MED25: variants seen among roughly 807,000 people sequenced by gnomAD.
MED25 encodes the protein mediator complex subunit 25.
MED25 carries 62 observed loss-of-function variants against 89.4 expected under a neutral mutation model. The ratio of observed to expected loss-of-function variants is 0.69; its 90% confidence interval spans 0.57 to 0.86. MED25 has a LOEUF of 0.86. Among genes scored for constraint, MED25 ranks in the 40% least tolerant of loss-of-function variants. The pLI, the probability that MED25 is intolerant of heterozygous loss-of-function variation, is 0.00. For synonymous variants in MED25, 449 were observed against 427.9 expected (o/e 1.05, Z -0.61); for missense variants, 905 against 1,005.2 (o/e 0.90, Z 1.35).
At chr19:49,818,958 C>A (rs1002326293) in intron 2 of MED25, 18 of 580,408 alleles carry the variant, frequency 3.1e-5, no homozygotes, top group Middle Eastern at 1.0e-3. Flanking sequence ...GTGCTGGGGC[C>A]TGGGCTCCTG....
At chr19:49,827,186 C>T (rs925957359) in intron 3 of MED25, among the ~76,000 whole-genome samples, 3 of 152,208 alleles carry the variant, frequency 2.0e-5, no homozygotes, top group Non-Finnish European at 4.4e-5. Flanking sequence ...CAGCCTCTCA[C>T]GACCACGTGA....
At chr19:49,832,893 G>A (rs952260521) in intron 13 of MED25, 9 of 248,878 alleles carry the variant, frequency 3.6e-5, no homozygotes, top group South Asian at 9.6e-5. Flanking sequence ...AGGTGGCATC[G>A]CTCCAGGGTC....
intron 3 of MED25, among the ~76,000 whole-genome samples, chr19:49,822,315 T>C (rs937419723): frequency 1.3e-4 from 11 of 83,312 alleles, no homozygotes; most frequent in African/African-American, 6.3e-4. Flanking sequence ...TGTGGTGGCA[T>C]GTGCCTTGTA....
In MED25 at chr19:49,830,451, A is replaced by C; in HGVS notation, c.820-60A>C. ...CATGGGTGGTGTGACCTCGTGGGATACCAGGACTGGGGGGCCATGGTCCTC... is the reference window on the plus strand; with the variant it reads ...CATGGGTGGTGTGACCTCGTGGGATCCCAGGACTGGGGGGCCATGGTCCTC... On this transcript the variant is annotated intron_variant, in intron 7 of 17. Coordinates refer to ENST00000312865, the MANE Select transcript of MED25 (RefSeq NM_030973.4). The surrounding 1 kb of genome is among the most constrained non-coding windows in gnomAD (Gnocchi z 4.6). 6.4e-7 allele frequency: 1 copy of C among 1,553,520 alleles called. No individual in the cohort carries two copies. Among genetic ancestry groups the C allele is most frequent in the Non-Finnish European group, 8.9e-7 (1 of 1,126,886 alleles).
intron 3 of MED25, among the ~76,000 whole-genome samples, chr19:49,822,849 G>A (rs1409991121): frequency 2.0e-5 from 3 of 151,828 alleles, no homozygotes; most frequent in Non-Finnish European, 2.9e-5. Flanking sequence ...GGGTTTCACT[G>A]TGTTAGCCGG....
At position 49,832,165 on chromosome 19, in the gene MED25, G is replaced by T; in HGVS notation, c.1374+8G>T. The T allele has an allele frequency of 6.2e-7, 1 of 1,611,800 alleles. No homozygotes were observed. ...ATCCCCCAGCAGCTGCTGGTGAGTG[G>T]CGGTGGAGGGCCAGCCCTGCTGCCG... On this transcript the variant is annotated splice_region_variant and intron_variant, in intron 12 of 17. Coordinates refer to ENST00000312865, the MANE Select transcript of MED25 (RefSeq NM_030973.4).
chr19:49,838,339 T>C (rs934568608), downstream of MED25: 5 of 349,476 alleles, frequency 1.4e-5, no homozygotes, highest in Non-Finnish European at 2.8e-5. Context: ...TTGGCTTCTT[T>C]TGACAAGTCA....
At position 49,827,339 on chromosome 19, in the gene MED25, C is replaced by T. The variant is rs531818040; in HGVS notation, c.306-1110C>T. On this transcript the variant is annotated intron_variant, in intron 3 of 17. Transcript: ENST00000312865. ...TGTGTGTGTTAGTTTCCCAGGCTGC[C>T]GTAGCAAAGTATGAGAAACTGGCCA... Among the ~76,000 whole-genome samples the T allele has an allele frequency of 2.6e-5, 4 of 152,220 alleles. No individual in the cohort carries two copies. The South Asian group carries it at 8.3e-4, about 32-fold the overall frequency.
In MED25 at chr19:49,830,953, G is replaced by C; in HGVS notation, c.1101+66G>C. 1.3e-6 allele frequency: 2 copies of C among 1,514,838 alleles called. No individual in the cohort carries two copies. Among genetic ancestry groups the C allele is most frequent in the Non-Finnish European group, 1.8e-6 (2 of 1,105,484 alleles). 93.8% of individuals were successfully genotyped at this position (1,514,838 alleles called of 1,614,324 possible). On this transcript the variant is annotated intron_variant, in intron 9 of 17. Coordinates refer to ENST00000312865, the MANE Select transcript of MED25 (RefSeq NM_030973.4). The surrounding 1 kb of genome is among the most constrained non-coding windows in gnomAD (Gnocchi z 4.6). ...GCTGTCCACAGCTAGGACAGTTAGA[G>C]GATGAGTCATTTGCCTTCCAGGGGG...
chr19:49,835,665 T>A lies in MED25; in HGVS notation c.1746+60T>A, dbSNP rs960836431. On this transcript the variant is annotated intron_variant, in intron 15 of 17. Coordinates refer to ENST00000312865, the MANE Select transcript of MED25 (RefSeq NM_030973.4). The surrounding 1 kb of genome is among the most constrained non-coding windows in gnomAD (Gnocchi z 6.2). ...GGGGAGGCCCCAAGGCTGCGCTCTGTGCCTGCAGAAGGGGCGTGAGGCCCT... is the reference window on the plus strand; with the variant it reads ...GGGGAGGCCCCAAGGCTGCGCTCTGAGCCTGCAGAAGGGGCGTGAGGCCCT... The A allele has an allele frequency of 2.5e-6, 4 of 1,575,210 alleles. No homozygotes were observed. The Admixed American group carries it at 7.3e-5, about 29-fold the overall frequency.
In MED25 at chr19:49,831,663, A is replaced by G. The variant is rs371475636; in HGVS notation, c.1230+202A>G. 6.6e-5 allele frequency among the ~76,000 whole-genome samples: 10 copies of G among 152,214 alleles called. No homozygotes were observed. Among genetic ancestry groups the G allele is most frequent in the African/African-American group, 1.7e-4 (7 of 41,538 alleles). ...CGGTACAGAGGAGAGTCCCCATGCA[A>G]AGAACCCAGAAAAGCCCAGGATTTG... is the stretch of plus-strand genomic sequence containing the variant. On this transcript the variant is annotated intron_variant, in intron 10 of 17. Transcript: ENST00000312865. This position sits in a 1 kb window ranked among gnomAD's most constrained non-coding sequence, Gnocchi z 5.0.
intron 3 of MED25, among the ~76,000 whole-genome samples, chr19:49,823,192 G>T (rs950499281): frequency 6.6e-6 from 1 of 152,124 alleles, no homozygotes; most frequent in African/African-American, 2.4e-5. Flanking sequence ...GGCCTCAAGC[G>T]ATCCTCCTGC....
At chr19:49,838,570 C>G (rs1330124298), downstream of MED25, 1 of 457,422 alleles carries the variant, frequency 2.2e-6, no homozygotes, top group East Asian at 6.9e-5. Flanking sequence ...ACCCATGTCT[C>G]TATCACAAGC....
At chr19:49,822,980 G>C (rs893166511) in intron 3 of MED25, among the ~76,000 whole-genome samples, 2 of 152,028 alleles carry the variant, frequency 1.3e-5, no homozygotes, top group Non-Finnish European at 2.9e-5. Flanking sequence ...ACAGGGTCTT[G>C]CTCTGTTGCC....
Position 49,836,558 on chromosome 19 carries a change from G to A in MED25, c.2146+152G>A, listed in dbSNP as rs759584188. On this transcript the variant is annotated intron_variant, in intron 17 of 17. Coordinates refer to ENST00000312865, the MANE Select transcript of MED25 (RefSeq NM_030973.4). This position sits in a 1 kb window ranked among gnomAD's most constrained non-coding sequence, Gnocchi z 5.1. ...GCCTTTGCGGAGCTCTGAGGGCTCCGGGAAAGTACAGCCCATGGGTCCAAG... is the reference window on the plus strand; with the variant it reads ...GCCTTTGCGGAGCTCTGAGGGCTCCAGGAAAGTACAGCCCATGGGTCCAAG... 26 of 976,032 alleles carry A rather than the reference G, an allele frequency of 2.7e-5. No individual in the cohort carries two copies. Among genetic ancestry groups the A allele is most frequent in the African/African-American group, 4.8e-5 (3 of 61,992 alleles). The allele number at this position is 976,032 out of a possible 1,614,324, so 60.5% of individuals were successfully genotyped here.
downstream of MED25, among the ~76,000 whole-genome samples, chr19:49,837,910 C>T (rs2074110671): frequency 6.6e-6 from 1 of 152,022 alleles, no homozygotes. Context: ...TGGGTCTGTC[C>T]CCAGGATAGA....
chr19:49,838,173 A>C (rs2122122393), downstream of MED25, among the ~76,000 whole-genome samples: 1 of 152,244 alleles, frequency 6.6e-6, no homozygotes, highest in Non-Finnish European at 1.5e-5. Flanking sequence ...CCACCCCAGG[A>C]GAGAGATTGC....
intron 3 of MED25, 164 bp downstream of exon 3, chr19:49,819,460 G>A (rs2073967169): frequency 4.0e-6 from 3 of 752,252 alleles, no homozygotes; most frequent in East Asian, 5.6e-5. Context: ...GGCTTGGGGT[G>A]GTTGGGGTCC....
Position 49,818,455 on chromosome 19 carries a change from C to G in MED25, c.114C>G (p.His38Gln), listed in dbSNP as rs2073954243. Residue 38 changes from histidine to glutamine, a missense_variant, in exon 1 of 18, where the codon CAC (histidine) becomes CAG (glutamine). By Grantham distance (24) the His-to-Gln change is conservative. Around this residue, in one of 3 missense-constraint regions of MED25, gnomAD observed 501 missense variants for 526.9 expected, o/e 0.95. Coordinates refer to ENST00000312865, the MANE Select transcript of MED25 (RefSeq NM_030973.4). ...CCTACTTCGAGGGGCTCCGCAAGCA[C>G]TACCTGCTCCCGGCCATCGAGTGAG... ...LGPYFEGLRK[H>Q]YLLPAIEYFN... 1 of 1,614,200 alleles carries G rather than the reference C, an allele frequency of 6.2e-7. No homozygotes were observed. Among genetic ancestry groups the G allele is most frequent in the African/African-American group, 1.3e-5 (1 of 75,070 alleles).
Sources: gnomAD v4.1 joint callset for allele counts (sites outside exome capture counted in the v4.1 genomes callset) on GRCh38, gnomAD v4.1.1 for gene constraint, gnomAD v4.1.1 regional missense constraint, Gnocchi (gnomAD v3.1) non-coding constraint, MANE v1.5 for transcripts, NCBI Gene and HGNC (gene_info 2026-07-23, HGNC 2026-07-21) for gene names.